CIAO2B: variants seen among roughly 807,000 people sequenced by gnomAD.
CIAO2B encodes the protein MSS19-interacting protein of 18 kDa.
Under a neutral mutation model 16.4 loss-of-function variants are expected in CIAO2B, and 20 were observed. The ratio of observed to expected loss-of-function variants is 1.22; its 90% CI spans 0.86 to 1.77. CIAO2B has a LOEUF of 1.77. CIAO2B is among the 40% of genes most tolerant of loss of function. The pLI is 0.00. For missense variants in CIAO2B, 215 were observed against 222.4 expected, an observed-to-expected ratio of 0.97 and a Z score of 0.21; for synonymous variants, 106 against 90.4, an observed-to-expected ratio of 1.17 and a Z score of -0.98.
intron 4 of CIAO2B, chr16:66,932,527 G>A (rs1312037784): frequency 1.4e-6 from 1 of 718,804 alleles, no homozygotes; most frequent in Non-Finnish European, 2.5e-6. Context: ...CTCCTGCGCT[G>A]CTGAAGCCTG....
At chr16:66,932,542 A>G in intron 4 of CIAO2B, 1 of 721,094 alleles carries the variant, frequency 1.4e-6, no homozygotes, top group Non-Finnish European at 2.5e-6. Context: ...AGCCTGACAC[A>G]CTCTGGTCCT....
intron 3 of CIAO2B, 112 bp downstream of exon 3, chr16:66,933,502 C>T (rs1343647886): frequency 7.3e-7 from 1 of 1,376,244 alleles, no homozygotes; most frequent in Non-Finnish European, 9.7e-7. Context: ...TAATGGGGAT[C>T]CTTCCAGGCC....
Position 66,933,978 on chromosome 16 carries a change from G to A in CIAO2B, c.222+9C>T. 6.2e-7 allele frequency: 1 copy of A among 1,613,560 alleles called. No homozygotes were observed. On this transcript the variant is annotated intron_variant, in intron 2 of 4. Coordinates refer to ENST00000422424, the MANE Select transcript of CIAO2B (RefSeq NM_016062.4). ...CTGGAACAACTCGCTCCCCTCGGAAGTGACTCACCTGAACCCGCACCTGCT... is the reference window on the plus strand; with the variant it reads ...CTGGAACAACTCGCTCCCCTCGGAAATGACTCACCTGAACCCGCACCTGCT...
At position 66,934,079 on chromosome 16, in the gene CIAO2B, G is replaced by A. The variant is rs372100214; in HGVS notation, c.143-13C>T. The A allele has an allele frequency of 3.7e-6, 6 of 1,613,382 alleles. No individual in the cohort carries two copies. The African/African-American group carries it at 5.3e-5, about 14-fold the overall frequency. Reference sequence around the variant, plus strand: ...GAGCGAATCAGATGTGGGAAGTGAAGGAAAAGGGACTCTGCGCCCTTGCCC... The same window carrying A: ...GAGCGAATCAGATGTGGGAAGTGAAAGAAAAGGGACTCTGCGCCCTTGCCC... On this transcript the variant is annotated splice_polypyrimidine_tract_variant and intron_variant, in intron 1 of 4. Coordinates refer to ENST00000422424, the MANE Select transcript of CIAO2B (RefSeq NM_016062.4). This position sits in a 1 kb window ranked among gnomAD's most constrained non-coding sequence, Gnocchi z 4.1.
intron 2 of CIAO2B, 100 bp from the exon 3 acceptor site, chr16:66,933,839 T>A (rs1477400463): frequency 6.5e-7 from 1 of 1,536,552 alleles, no homozygotes; most frequent in Non-Finnish European, 8.8e-7. Context: ...TCTATGGGCC[T>A]CAGTTTCAAC....
intron 2 of CIAO2B, 31 bp downstream of exon 2, chr16:66,933,956 G>C (rs1963124893): frequency 1.2e-6 from 2 of 1,611,910 alleles, no homozygotes; most frequent in South Asian, 1.1e-5. Flanking sequence ...TGACTCTCTG[G>C]AACAACTCGC....
rs11556909 is a variant in CIAO2B, at chr16:66,934,314, G to C, written c.51C>G (p.Pro17=). 2 of 1,604,016 alleles carry C rather than the reference G, an allele frequency of 1.2e-6. No individual in the cohort carries two copies. Among genetic ancestry groups the C allele is most frequent in the Non-Finnish European group, 1.7e-6 (2 of 1,178,408 alleles). Residue 17 remains proline (P), a synonymous_variant, in exon 1 of 5, where the codon CCC becomes CCG. Coordinates refer to ENST00000422424, the MANE Select transcript of CIAO2B (RefSeq NM_016062.4). The surrounding 1 kb of genome is among the most constrained non-coding windows in gnomAD (Gnocchi z 4.1). ...VGGGLLENAN[P]LIYQRSGERP... ...GCTCCCCAGAGCGCTGGTAGATGAG[G>C]GGGTTGGCATTCTCCAGGAGGCCGC...
intron 3 of CIAO2B, 152 bp downstream of exon 3, chr16:66,933,462 T>C: frequency 1.9e-6 from 2 of 1,031,888 alleles, no homozygotes; most frequent in African/African-American, 3.2e-5. Context: ...CACATCGACT[T>C]GGAAAGCTTC....
chr16:66,934,379 C>A lies in CIAO2B; in HGVS notation c.-15G>T, dbSNP rs964578971. 2.0e-6 allele frequency: 3 copies of A among 1,529,278 alleles called. No individual in the cohort carries two copies. The highest frequency in any genetic ancestry group is 2.7e-5 in the African/African-American group (2 of 72,936). 94.7% of individuals were successfully genotyped at this position (1,529,278 alleles called of 1,614,324 possible). A position where few individuals can be genotyped will look rare whatever the true frequency, so the allele number is the denominator to read the frequency against. On this transcript the variant is annotated 5_prime_UTR_variant, in exon 1 of 5. Transcript: ENST00000422424. This position sits in a 1 kb window ranked among gnomAD's most constrained non-coding sequence, Gnocchi z 4.1. ...CCGCCTACCATCGCGGAACCACCAC[C>A]GCTGATCCTAGCAGGCGTGCGCTTC...
In CIAO2B at chr16:66,934,100, T is replaced by C; in HGVS notation, c.143-34A>G. On this transcript the variant is annotated intron_variant, in intron 1 of 4. Coordinates refer to ENST00000422424, the MANE Select transcript of CIAO2B (RefSeq NM_016062.4). This position sits in a 1 kb window ranked among gnomAD's most constrained non-coding sequence, Gnocchi z 4.1. ...TGAAGGAAAAGGGACTCTGCGCCCT[T>C]GCCCACTTAGAACCCTCTGCCAGGA... 6.2e-7 allele frequency: 1 copy of C among 1,612,712 alleles called. No homozygotes were observed. The highest frequency in any genetic ancestry group is 8.5e-7 in the Non-Finnish European group (1 of 1,179,482).
Position 66,933,737 on chromosome 16 carries a change from A to C in CIAO2B, c.225T>G (p.Val75=), listed in dbSNP as rs1376466801. Residue 75 remains valine, a splice_region_variant and synonymous_variant, in exon 3 of 5, where the codon GTT becomes GTG. Coordinates refer to ENST00000422424, the MANE Select transcript of CIAO2B (RefSeq NM_016062.4). ...LNVVEQVRVQ[V]SDPESTVAVA... ...CAGCCACTGTACTCTCGGGGTCGCT[A>C]ACCTGGTTGTGGAGGAGAGATGTCA... 1 of 1,545,810 alleles carries C rather than the reference A, an allele frequency of 6.5e-7. No homozygotes were observed. The highest frequency in any genetic ancestry group is 2.4e-5 in the East Asian group (1 of 41,114).
At chr16:66,932,604 G>A in intron 4 of CIAO2B, 176 bp downstream of exon 4, 2 of 779,002 alleles carry the variant, frequency 2.6e-6, no homozygotes, top group Non-Finnish European at 2.2e-6. Flanking sequence ...AAGCAAAGGA[G>A]AGTCTTCTCA....
intron 2 of CIAO2B, 95 bp downstream of exon 2, chr16:66,933,892 C>A: frequency 1.3e-6 from 2 of 1,563,304 alleles, no homozygotes; most frequent in East Asian, 4.8e-5. Flanking sequence ...CAAAGATACC[C>A]TTCGGTGTTC....
intron 3 of CIAO2B, 74 bp from the exon 4 acceptor site, chr16:66,932,899 A>G: frequency 4.0e-6 from 6 of 1,510,966 alleles, no homozygotes; most frequent in Non-Finnish European, 5.4e-6. Flanking sequence ...CCAGACCCTC[A>G]GGCACCATCT....
chr16:66,932,592 G>C (rs371605734), intron 4 of CIAO2B, 188 bp downstream of exon 4: 1 of 756,216 alleles, frequency 1.3e-6, no homozygotes, highest in Non-Finnish European at 2.3e-6. Flanking sequence ...AGAGGACATG[G>C]TAAGCAAAGG....
chr16:66,933,357 C>T, intron 3 of CIAO2B: 1 of 490,154 alleles, frequency 2.0e-6, no homozygotes, highest in Non-Finnish European at 3.6e-6. Context: ...CTGTGCCCCA[C>T]CCCTGGTCCA....
In CIAO2B at chr16:66,932,240, A is replaced by C; in HGVS notation, c.455T>G (p.Leu152Trp). The C allele has an allele frequency of 6.2e-7, 1 of 1,613,850 alleles. No homozygotes were observed. The change falls in exon 5 of 5, where the codon TTG (leucine) becomes TGG (tryptophan). Residue 152 changes from leucine (L) to tryptophan (W), a missense_variant. Coordinates refer to ENST00000422424, the MANE Select transcript of CIAO2B (RefSeq NM_016062.4). ...VAAALENTHL[L>W]EVVNQCLSAR... is the part of the protein sequence containing the mutation. ...TGACAGGCACTGATTCACAACCTCC[A>C]AGAGGTGGGTGTTCTCCAGGGCAGC...
intron 3 of CIAO2B, 24 bp from the exon 4 acceptor site, chr16:66,932,849 T>A: frequency 6.2e-7 from 1 of 1,610,428 alleles, no homozygotes; most frequent in Non-Finnish European, 8.5e-7. Flanking sequence ...AACCAGGGCC[T>A]GAACACCCAC....
chr16:66,934,351 C>A lies in CIAO2B; in HGVS notation c.14G>T (p.Gly5Val), dbSNP rs1431716138. Residue 5 changes from glycine to valine, a missense_variant, in exon 1 of 5, where the codon GGC becomes GTC. Transcript: ENST00000422424. The surrounding 1 kb of genome is among the most constrained non-coding windows in gnomAD (Gnocchi z 4.1). The stretch of plus-strand genomic sequence containing the variant: ...CTCCAGGAGGCCGCCGCCGACCCCG[C>A]CGCCGCCTACCATCGCGGAACCACC... The part of the protein sequence containing the change: MVGG[G>V]GVGGGLLENA... The A allele has an allele frequency of 6.4e-7, 1 of 1,565,460 alleles. No homozygotes were observed. The highest frequency in any genetic ancestry group is 1.2e-5 in the South Asian group (1 of 86,402).
Sources: allele counts gnomAD v4.1 joint callset, GRCh38; gene constraint gnomAD v4.1.1; non-coding constraint Gnocchi (gnomAD v3.1); transcripts MANE v1.5; gene names NCBI Gene and HGNC (gene_info 2026-07-23, HGNC 2026-07-21).